Variants in TET3 observed in about 807,000 individuals in gnomAD.
TET3 encodes the protein tet methylcytosine dioxygenase 3.
A neutral mutation model predicts 141.4 loss-of-function variants in TET3; 19 were observed. The ratio of observed to expected loss-of-function variants is 0.13; its 90% CI spans 0.09 to 0.20. The LOEUF (loss-of-function observed/expected upper bound fraction) is 0.20. TET3 is among the 10% of genes least tolerant of loss of function. The pLI is 1.00. For missense variants in TET3, 1,874 were observed against 2,356.9 expected, an observed-to-expected ratio of 0.80 and a Z score of 4.24; for synonymous variants, 1,043 against 980.9, an observed-to-expected ratio of 1.06 and a Z score of -1.18.
At position 73,986,510 on chromosome 2, in the gene TET3, C is replaced by T. The variant is rs1174395714; in HGVS notation, c.107C>T (p.Ser36Phe). The change falls in exon 2 of 12, where the codon TCC (serine) becomes TTC (phenylalanine). Residue 36 changes from serine to phenylalanine, a missense_variant. Around this residue, in one of 10 missense-constraint regions of TET3, gnomAD observed 366 missense variants for 487.0 expected, o/e 0.75. Coordinates refer to ENST00000409262, the MANE Select transcript of TET3 (RefSeq NM_001287491.2). ...GGGAGCTTCCCGGGGTCTGGGCTCT[C>T]CATGGCTGGGAGTGAGTCCCAACTC... ...MVGSFPGSGLSMAGSESQLRG... is the reference protein window; with the variant it reads ...MVGSFPGSGLFMAGSESQLRG... 1.6e-6 allele frequency: 2 copies of T among 1,232,094 alleles called. No individual in the cohort carries two copies. The highest frequency in any genetic ancestry group is 3.2e-5 in the East Asian group (1 of 31,726). The allele number at this position is 1,232,094 out of a possible 1,614,324, so 76.3% of individuals were successfully genotyped here.
intron 2 of TET3, chr2:74,002,873 G>C: frequency 1.8e-6 from 1 of 568,010 alleles, no homozygotes; most frequent in Non-Finnish European, 3.2e-6. Flanking sequence ...GATCTCGGGG[G>C]GATTCTCAGA....
intron 3 of TET3, among the ~76,000 whole-genome samples, chr2:74,018,407 A>G (rs1329985255): frequency 2.6e-5 from 4 of 152,234 alleles, no homozygotes; most frequent in Admixed American, 1.3e-4. Context: ...TGATTTTTAT[A>G]CAACGAGAAT....
intron 4 of TET3, among the ~76,000 whole-genome samples, chr2:74,073,159 C>G (rs1689303378): frequency 6.6e-6 from 1 of 152,142 alleles, no homozygotes; most frequent in African/African-American, 2.4e-5. Flanking sequence ...GGTGCGGTGG[C>G]TCACTGGAGG....
At chr2:74,118,591 T>G in the TET3 span, among the ~76,000 whole-genome samples, 24 of 152,320 alleles carry the variant, frequency 1.6e-4, no homozygotes, top group Non-Finnish European at 2.9e-4. Context: ...GTAAAGTTTT[T>G]GGGGAGTCAA....
intron 2 of TET3, among the ~76,000 whole-genome samples, chr2:73,998,149 G>A (rs1684683769): frequency 6.6e-6 from 1 of 152,164 alleles, no homozygotes; most frequent in African/African-American, 2.4e-5. Flanking sequence ...GACGCTTTGT[G>A]TTAATTCCTC....
At chr2:74,037,964 C>T (rs1364295406) in intron 3 of TET3, among the ~76,000 whole-genome samples, 1 of 152,180 alleles carries the variant, frequency 6.6e-6, no homozygotes, top group Non-Finnish European at 1.5e-5. Context: ...GAGTGGCGTT[C>T]CACACTTTTC....
Position 74,016,305 on chromosome 2 carries a change from T to TA in TET3, c.360+13155dup, listed in dbSNP as rs372745867. Among the ~76,000 whole-genome samples, 769 of 139,560 alleles carry TA rather than the reference T, an allele frequency of 5.5e-3. 1 individual carries two copies. Among genetic ancestry groups the TA allele is most frequent in the South Asian group, 0.013 (58 of 4,388 alleles). 91.6% of individuals were successfully genotyped at this position (139,560 alleles called of 152,430 possible). ...GCTACAGAGCAAGACCCTGTCTCTT[T>TA]AAAAAAAAAAAAAAAATTCAATGGA... is the stretch of plus-strand genomic sequence containing the variant. On this transcript the variant is annotated intron_variant, in intron 3 of 11. Transcript: ENST00000409262.
At chr2:74,042,047 G>A (rs946317876) in intron 3 of TET3, among the ~76,000 whole-genome samples, 1 of 152,150 alleles carries the variant, frequency 6.6e-6, no homozygotes, top group African/African-American at 2.4e-5. Context: ...TGTTGAACAG[G>A]ATAGTTCCAA....
chr2:74,001,584 C>T (rs551429997), intron 2 of TET3, among the ~76,000 whole-genome samples: 38 of 152,254 alleles, frequency 2.5e-4, no homozygotes, highest in Non-Finnish European at 4.1e-4. Context: ...GTGTGGAAGT[C>T]GCTTCCTGGG....
rs544875656 is a variant in TET3, at chr2:73,991,416, T to C, written c.303+4710T>C. 2.1e-3 allele frequency among the ~76,000 whole-genome samples: 325 copies of C among 151,900 alleles called. 3 individuals are homozygous for C. Among genetic ancestry groups the C allele is most frequent in the African/African-American group, 7.6e-3 (315 of 41,480 alleles). On this transcript the variant is annotated intron_variant, in intron 2 of 11. Transcript: ENST00000409262. ...CTGACCAACATGGAGAAACCCCATC[T>C]CTACTAAAAATACAAAATTAGCCAG...
chr2:74,062,860 C>G (rs1227719612), intron 4 of TET3, among the ~76,000 whole-genome samples: 2 of 148,292 alleles, frequency 1.3e-5, no homozygotes, highest in Non-Finnish European at 3.0e-5. Flanking sequence ...GATCTAAATA[C>G]TTGGTTAAGT....
chr2:74,119,974 TG>T, the TET3 span, among the ~76,000 whole-genome samples: 2 of 152,234 alleles, frequency 1.3e-5, no homozygotes, highest in African/African-American at 4.8e-5. Flanking sequence ...TGTGGCCTTT[TG>T]ACATTCCTTG....
chr2:74,120,417 G>A, the TET3 span, among the ~76,000 whole-genome samples: 1 of 152,244 alleles, frequency 6.6e-6, no homozygotes, highest in Non-Finnish European at 1.5e-5. Flanking sequence ...CTGGTGCCGT[G>A]GCTACGCCCC....
the TET3 span, among the ~76,000 whole-genome samples, chr2:74,118,101 C>T: frequency 6.6e-6 from 1 of 152,188 alleles, no homozygotes; most frequent in Admixed American, 6.5e-5. Context: ...CTTTAAACAC[C>T]TGTGACGCTA....
At chr2:74,035,413 G>A (rs190077598) in intron 3 of TET3, among the ~76,000 whole-genome samples, 2,810 of 122,038 alleles carry the variant, frequency 0.023, 79 homozygotes, top group African/African-American at 0.076. Flanking sequence ...GCAGTGAGCC[G>A]AGATCGCGCC....
At position 74,099,579 on chromosome 2, in the gene TET3, G is replaced by A. The variant is rs1408545265; in HGVS notation, c.3571G>A (p.Ala1191Thr). The A allele has an allele frequency of 6.3e-7, 1 of 1,597,884 alleles. No homozygotes were observed. The change falls in exon 11 of 12, where the codon GCC becomes ACC. Residue 1191 changes from alanine (A) to threonine (T), a missense_variant. Around this residue, in one of 10 missense-constraint regions of TET3, gnomAD observed 602 missense variants for 590.2 expected, o/e 1.02. Transcript: ENST00000409262. ...LSTPEKIKQE[A>T]LELAGITSDP... ...CACTCCGGAGAAGATCAAGCAGGAG[G>A]CCCTGGAGCTGGCGGGCATTACGTC...
chr2:73,986,790 A>T lies in TET3; in HGVS notation c.303+84A>T, dbSNP rs1480134503. Reference sequence around the variant, plus strand: ...GGTCTTGTTCAAGCAAGGCTCGTCCAGTTGAGTCCATTCTCTCATTTCTGA... The same window carrying T: ...GGTCTTGTTCAAGCAAGGCTCGTCCTGTTGAGTCCATTCTCTCATTTCTGA... On this transcript the variant is annotated intron_variant, in intron 2 of 11. Coordinates refer to ENST00000409262, the MANE Select transcript of TET3 (RefSeq NM_001287491.2). 17 of 1,161,076 alleles carry T rather than the reference A, an allele frequency of 1.5e-5. No individual in the cohort carries two copies. In the Admixed American group the frequency reaches 2.5e-4, roughly 17 times the overall value. 71.9% of individuals were successfully genotyped at this position (1,161,076 alleles called of 1,614,324 possible).
intron 5 of TET3, 130 bp from the exon 6 acceptor site, chr2:74,080,368 C>T (rs1313282134): frequency 3.9e-6 from 3 of 761,856 alleles, no homozygotes; most frequent in Middle Eastern, 2.4e-4. Context: ...AAACCTTTCT[C>T]TTTCTTCTCT....
chr2:73,993,395 G>C (rs147249993), intron 2 of TET3: 1 of 152,362 alleles, frequency 6.6e-6, no homozygotes, highest in East Asian at 1.9e-4. Flanking sequence ...CCCCAGACCT[G>C]CTGAATTGAA....
Sources: allele counts gnomAD v4.1 joint callset (sites outside exome capture counted in the v4.1 genomes callset), GRCh38; gene constraint gnomAD v4.1.1; regional missense constraint gnomAD v4.1.1; transcripts MANE v1.5; gene names NCBI Gene and HGNC (gene_info 2026-07-23, HGNC 2026-07-21).